PTPRK: variants seen among roughly 807,000 people sequenced by gnomAD.
PTPRK encodes receptor-type tyrosine-protein phosphatase kappa.
In PTPRK, 75 loss-of-function variants were observed where a neutral mutation model predicts 178.0. That is an observed-to-expected ratio of 0.42 (90% confidence interval 0.35 to 0.51). The LOEUF is 0.51. Among genes scored for constraint, PTPRK ranks in the 20% least tolerant of loss-of-function variants. The pLI is 0.02. For missense variants in PTPRK, 1,441 were observed against 1,797.8 expected (o/e 0.80, Z 3.59); for synonymous variants, 637 against 620.6 (o/e 1.03, Z -0.39).
At chr6:128,383,916 A>G (rs1270397760) in intron 2 of PTPRK, among the ~76,000 whole-genome samples, 1 of 152,234 alleles carries the variant, frequency 6.6e-6, no homozygotes, top group Non-Finnish European at 1.5e-5. Flanking sequence ...TCTATAAAAC[A>G]TTAAGTTAAA....
At chr6:128,138,574 AT>A (rs1795335193) in intron 7 of PTPRK, among the ~76,000 whole-genome samples, 1 of 151,940 alleles carries the variant, frequency 6.6e-6, no homozygotes, top group Non-Finnish European at 1.5e-5. Context: ...TGATTTTTTT[AT>A]TCTTATTTTT....
At chr6:128,192,109 T>C (rs1411710479) in intron 6 of PTPRK, among the ~76,000 whole-genome samples, 2 of 152,208 alleles carry the variant, frequency 1.3e-5, no homozygotes, top group Non-Finnish European at 2.9e-5. Flanking sequence ...AGGAGATACT[T>C]TCAGTCTTTG....
chr6:128,063,427 T>C (rs949620079), intron 13 of PTPRK: 48 of 152,312 alleles, frequency 3.2e-4, no homozygotes, highest in African/African-American at 1.0e-3. Flanking sequence ...GGGTAATATA[T>C]AGCTACCATT....
intron 3 of PTPRK, among the ~76,000 whole-genome samples, chr6:128,294,353 G>C (rs1267235163): frequency 6.6e-6 from 1 of 151,820 alleles, no homozygotes; most frequent in Non-Finnish European, 1.5e-5. Context: ...TATTTCTCTT[G>C]GAATGATGCA....
At chr6:128,500,042 A>G (rs1333812266) in intron 1 of PTPRK, among the ~76,000 whole-genome samples, 1 of 152,178 alleles carries the variant, frequency 6.6e-6, no homozygotes, top group Non-Finnish European at 1.5e-5. Flanking sequence ...GACTCAAAAC[A>G]CTCAAAAGGG....
At chr6:128,279,082 C>G (rs996103928) in intron 3 of PTPRK, among the ~76,000 whole-genome samples, 1 of 152,042 alleles carries the variant, frequency 6.6e-6, no homozygotes, top group African/African-American at 2.4e-5. Context: ...TCATTAATCA[C>G]TCTGAGATAC....
Position 128,078,833 on chromosome 6 carries a change from T to A in PTPRK, c.1863A>T (p.Gln621His). 3 of 1,610,924 alleles carry A rather than the reference T, an allele frequency of 1.9e-6. No individual in the cohort carries two copies. The highest frequency in any genetic ancestry group is 2.5e-6 in the Non-Finnish European group (3 of 1,177,524). Residue 621 changes from glutamine to histidine, a missense_variant, in exon 11 of 30, where the codon CAA (glutamine) becomes CAT (histidine). Transcript: ENST00000368226. ...CTTACCTGATAGGAGCACCTTTGGC[T>A]TGTGCTGGTCTCAACAATACAGTTA... is the stretch of plus-strand genomic sequence containing the variant. ...TTITVLLRPA[Q>H]AKGAPISAYQ...
At chr6:128,402,076 T>C (rs945449677) in intron 1 of PTPRK, among the ~76,000 whole-genome samples, 2 of 152,142 alleles carry the variant, frequency 1.3e-5, no homozygotes, top group African/African-American at 4.8e-5. Context: ...TGATATAAAT[T>C]TGTTGATATG....
chr6:128,434,138 C>T (rs183280118), intron 1 of PTPRK, among the ~76,000 whole-genome samples: 2 of 152,022 alleles, frequency 1.3e-5, no homozygotes, highest in Non-Finnish European at 2.9e-5. Flanking sequence ...AGGAAGATGA[C>T]AAACTAGCCT....
intron 7 of PTPRK, among the ~76,000 whole-genome samples, chr6:128,117,442 C>A (rs563766222): frequency 1.3e-5 from 2 of 152,200 alleles, no homozygotes; most frequent in African/African-American, 4.8e-5. Context: ...TACAATCGCA[C>A]GACATAAACT....
chr6:128,476,940 G>A (rs942530126), intron 1 of PTPRK, among the ~76,000 whole-genome samples: 1 of 151,614 alleles, frequency 6.6e-6, no homozygotes, highest in African/African-American at 2.4e-5. Context: ...TTACTAGGAT[G>A]TTACCACAGT....
intron 6 of PTPRK, among the ~76,000 whole-genome samples, chr6:128,212,209 C>A (rs1403670543): frequency 1.3e-5 from 2 of 151,926 alleles, no homozygotes; most frequent in East Asian, 3.9e-4. Flanking sequence ...TTATGAGATT[C>A]TTAAGTACTG....
At chr6:128,079,636 A>G (rs891750109) in intron 10 of PTPRK, among the ~76,000 whole-genome samples, 1 of 152,092 alleles carries the variant, frequency 6.6e-6, no homozygotes, top group Non-Finnish European at 1.5e-5. Flanking sequence ...TATATACTCA[A>G]TGAAATGTGT....
chr6:128,260,181 ATT>A (rs113202687), intron 3 of PTPRK, among the ~76,000 whole-genome samples: 3 of 151,566 alleles, frequency 2.0e-5, no homozygotes, highest in African/African-American at 4.8e-5. Flanking sequence ...CCTAAAATAT[ATT>A]TTTTTTTATT....
intron 1 of PTPRK, among the ~76,000 whole-genome samples, chr6:128,406,949 G>T (rs1218544010): frequency 6.6e-6 from 1 of 152,146 alleles, no homozygotes; most frequent in Non-Finnish European, 1.5e-5. Context: ...GTTAAAGGGG[G>T]GAATAGTGAA....
chr6:127,982,113 T>C (rs1038727898), intron 24 of PTPRK, among the ~76,000 whole-genome samples: 1 of 152,080 alleles, frequency 6.6e-6, no homozygotes, highest in Non-Finnish European at 1.5e-5. Context: ...GCTAGGATTA[T>C]AGGTGTGAGC....
At chr6:128,176,440 G>A (rs960735249) in intron 7 of PTPRK, among the ~76,000 whole-genome samples, 1 of 151,802 alleles carries the variant, frequency 6.6e-6, no homozygotes, top group African/African-American at 2.4e-5. Flanking sequence ...TGATTTGGCT[G>A]AGACAATTAA....
chr6:128,220,673 A>G (rs540200396), intron 5 of PTPRK, among the ~76,000 whole-genome samples: 71 of 152,300 alleles, frequency 4.7e-4, no homozygotes, highest in Non-Finnish European at 8.8e-4. Flanking sequence ...CCACCAGTGT[A>G]TGTGGGATCA....
chr6:128,249,551 A>G (rs1816102915), intron 3 of PTPRK, among the ~76,000 whole-genome samples: 1 of 152,132 alleles, frequency 6.6e-6, no homozygotes, highest in South Asian at 2.1e-4. Flanking sequence ...AGATAGGTTT[A>G]TACTTGGGAA....
Sources: gnomAD v4.1 joint callset for allele counts (sites outside exome capture counted in the v4.1 genomes callset) on GRCh38, gnomAD v4.1.1 for gene constraint, MANE v1.5 for transcripts, NCBI Gene and HGNC (gene_info 2026-07-23, HGNC 2026-07-21) for gene names.